CAMK4: variants seen among roughly 807,000 people sequenced by gnomAD.
The protein encoded by CAMK4 is calcium/calmodulin-dependent protein kinase type IV.
In CAMK4, 22 loss-of-function variants were observed where a neutral mutation model predicts 44.9. That is an observed-to-expected ratio of 0.49 (90% CI 0.35 to 0.70). CAMK4 has a LOEUF of 0.70. Ranked by LOEUF, CAMK4 falls within the 30% of genes least tolerant of loss-of-function variation. The pLI, the probability that CAMK4 is intolerant of heterozygous loss-of-function variation, is 0.01. For synonymous variants in CAMK4, 218 were observed against 215.4 expected, an observed-to-expected ratio of 1.01 and a Z score of -0.11; for missense variants, 498 against 586.8, an observed-to-expected ratio of 0.85 and a Z score of 1.56.
intron 1 of CAMK4, among the ~76,000 whole-genome samples, chr5:111,248,366 A>C (rs1749331778): frequency 6.6e-6 from 1 of 152,040 alleles, no homozygotes; most frequent in South Asian, 2.1e-4. Context: ...TGGTCTTTGG[A>C]GATTTTCTTA....
Position 111,439,439 on chromosome 5 carries a change from C to T in CAMK4, c.460-7247C>T, listed in dbSNP as rs140135357. ...TAAGGAGGGAGAGCCTACACATCAA[C>T]ACAGATTGGGTGTGTCAAATAAAGG... On this transcript the variant is annotated intron_variant, in intron 5 of 10. Transcript: ENST00000282356. Among the ~76,000 whole-genome samples, 6 of 152,220 alleles carry T rather than the reference C, an allele frequency of 3.9e-5. No individual in the cohort carries two copies. In the East Asian group the frequency reaches 1.2e-3, roughly 29 times the overall value.
At chr5:111,389,558 G>T (rs1440092190) in intron 4 of CAMK4, among the ~76,000 whole-genome samples, 1 of 152,148 alleles carries the variant, frequency 6.6e-6, no homozygotes, top group Non-Finnish European at 1.5e-5. Flanking sequence ...TCATGGTTGT[G>T]GAAGTTGGCT....
chr5:111,259,270 A>T (rs186936925), intron 1 of CAMK4, among the ~76,000 whole-genome samples: 1 of 152,256 alleles, frequency 6.6e-6, no homozygotes, highest in Non-Finnish European at 1.5e-5. Context: ...TTTAATATTT[A>T]ACTACTGACA....
intron 1 of CAMK4, among the ~76,000 whole-genome samples, chr5:111,273,718 T>TATATAC (rs1325875283): frequency 1.1e-4 from 5 of 44,790 alleles, no homozygotes; most frequent in Admixed American, 2.5e-4. Flanking sequence ...TATATATATA[T>TATATAC]ACACACACAT....
intron 1 of CAMK4, chr5:111,282,975 G>A (rs1751085050): frequency 6.6e-6 from 1 of 152,224 alleles, no homozygotes; most frequent in Non-Finnish European, 1.5e-5. Context: ...TCATGTGGCT[G>A]ACTGGGAGCT....
At chr5:111,462,374 G>A (rs397805) in intron 7 of CAMK4, among the ~76,000 whole-genome samples, 123,603 of 151,838 alleles carry the variant, frequency 0.81, 50,949 homozygotes, top group African/African-American at 0.92. Context: ...CCCCCACCCA[G>A]CTGTAAGCTC....
chr5:111,356,142 C>T (rs1250985234), intron 2 of CAMK4, among the ~76,000 whole-genome samples: 2 of 142,918 alleles, frequency 1.4e-5, no homozygotes, highest in East Asian at 4.1e-4. Context: ...GTTCCTATTT[C>T]TCCACATCCT....
chr5:111,300,330 G>A (rs780880102), intron 1 of CAMK4, among the ~76,000 whole-genome samples: 16 of 152,150 alleles, frequency 1.1e-4, no homozygotes, highest in Non-Finnish European at 4.4e-5. Flanking sequence ...TTCCTTTTCT[G>A]AAATCTGAAA....
At position 111,485,729 on chromosome 5, in the gene CAMK4, A is replaced by G. The variant is rs1755590652; in HGVS notation, c.*1263A>G. On this transcript the variant is annotated 3_prime_UTR_variant, in exon 11 of 11. Transcript: ENST00000282356. ...AACAAACAAAAACAAAAATAAAGAAAAATACTGATTTCAAATCAGACTCTT... is the reference window on the plus strand; with the variant it reads ...AACAAACAAAAACAAAAATAAAGAAGAATACTGATTTCAAATCAGACTCTT... 6.6e-6 allele frequency: 1 copy of G among 152,194 alleles called. No homozygotes were observed. Among genetic ancestry groups the G allele is most frequent in the Admixed American group, 6.5e-5 (1 of 15,284 alleles). 9.4% of individuals were successfully genotyped at this position (152,194 alleles called of 1,614,324 possible). A position where few individuals can be genotyped will look rare whatever the true frequency, so the allele number is the denominator to read the frequency against.
chr5:111,343,968 C>T, intron 1 of CAMK4, 56 bp from the exon 2 acceptor site: 1 of 1,004,042 alleles, frequency 1.0e-6, no homozygotes, highest in East Asian at 2.4e-5. Flanking sequence ...TCAAGCTTTC[C>T]CCTTTAATTC....
intron 5 of CAMK4, among the ~76,000 whole-genome samples, chr5:111,429,668 C>A (rs1256803011): frequency 6.7e-6 from 1 of 148,722 alleles, no homozygotes; most frequent in Non-Finnish European, 1.5e-5. Flanking sequence ...CCCAGCTACT[C>A]AGGAGGCTGA....
chr5:111,482,983 A>G lies in CAMK4; in HGVS notation c.981+46A>G. Reference sequence around the variant, plus strand: ...TTTTGTTTTGTTTTGTTTTCAAAAAATTTATCTCATCTTGATCTATCAATA... The same window carrying G: ...TTTTGTTTTGTTTTGTTTTCAAAAAGTTTATCTCATCTTGATCTATCAATA... On this transcript the variant is annotated intron_variant, in intron 10 of 10. Coordinates refer to ENST00000282356, the MANE Select transcript of CAMK4 (RefSeq NM_001744.6). This position sits in a 1 kb window ranked among gnomAD's most constrained non-coding sequence, Gnocchi z 4.9. The G allele has an allele frequency of 6.7e-7, 1 of 1,491,152 alleles. No individual in the cohort carries two copies. Among genetic ancestry groups the G allele is most frequent in the Non-Finnish European group, 9.1e-7 (1 of 1,101,208 alleles). 92.4% of individuals were successfully genotyped at this position (1,491,152 alleles called of 1,614,324 possible). A position where few individuals can be genotyped will look rare whatever the true frequency, so the allele number is the denominator to read the frequency against.
At chr5:111,460,847 T>C (rs1754619285) in intron 7 of CAMK4, among the ~76,000 whole-genome samples, 1 of 151,928 alleles carries the variant, frequency 6.6e-6, no homozygotes, top group Admixed American at 6.6e-5. Flanking sequence ...TAAAAATAAG[T>C]TGTATTTTTT....
At chr5:111,476,460 G>A (rs1040058293) in intron 8 of CAMK4, among the ~76,000 whole-genome samples, 41 of 152,038 alleles carry the variant, frequency 2.7e-4, no homozygotes, top group African/African-American at 9.2e-4. Context: ...TGTATTTTTA[G>A]TAGAGATGGG....
rs187134519 is a variant in CAMK4, at chr5:111,397,286, C to T, written c.459+2504C>T. Among the ~76,000 whole-genome samples, 175 of 152,236 alleles carry T rather than the reference C, an allele frequency of 1.1e-3. 1 individual carries two copies. Among genetic ancestry groups the T allele is most frequent in the African/African-American group, 4.1e-3 (172 of 41,554 alleles). On this transcript the variant is annotated intron_variant, in intron 5 of 10. Coordinates refer to ENST00000282356, the MANE Select transcript of CAMK4 (RefSeq NM_001744.6). ...AAAATAGGCATAGCAATTAACCTAA[C>T]AGGATTGTGGAAAAGATTAAATGAG...
At chr5:111,322,201 A>AT (rs1237456216) in intron 1 of CAMK4, among the ~76,000 whole-genome samples, 1 of 152,140 alleles carries the variant, frequency 6.6e-6, no homozygotes, top group East Asian at 1.9e-4. Context: ...GAATGATGAG[A>AT]TTTTTTGAGA....
chr5:111,471,308 CCT>C (rs2112484397), intron 7 of CAMK4, among the ~76,000 whole-genome samples: 1 of 152,310 alleles, frequency 6.6e-6, no homozygotes, highest in Non-Finnish European at 1.5e-5. Context: ...TCTTGCCAGT[CCT>C]CTTCAATTAG....
chr5:111,432,616 G>GTGTGTGTATATATATATATACATATA (rs1561485003), intron 5 of CAMK4, among the ~76,000 whole-genome samples: 7 of 145,742 alleles, frequency 4.8e-5, no homozygotes, highest in East Asian at 3.9e-4. Flanking sequence ...TCATATATAT[G>GTGTGTGTATATATATATATACATATA]TGTGTGTATA....
chr5:111,269,696 G>C (rs1378039914), intron 1 of CAMK4, among the ~76,000 whole-genome samples: 1 of 152,104 alleles, frequency 6.6e-6, no homozygotes, highest in Non-Finnish European at 1.5e-5. Context: ...GGGACATATA[G>C]AAACCTGTGG....
Sources: gnomAD v4.1 joint callset for allele counts (sites outside exome capture counted in the v4.1 genomes callset) on GRCh38, gnomAD v4.1.1 for gene constraint, Gnocchi (gnomAD v3.1) non-coding constraint, MANE v1.5 for transcripts, NCBI Gene and HGNC (gene_info 2026-07-23, HGNC 2026-07-21) for gene names.